Variants in RBM44 observed in about 807,000 individuals in gnomAD.
RBM44 encodes the protein RNA binding motif protein 44.
In RBM44, 66 loss-of-function variants were observed where a neutral mutation model predicts 105.1. The observed-to-expected ratio is 0.63, with a 90% CI of 0.52 to 0.77. RBM44 has a LOEUF of 0.77. Ranked by LOEUF, RBM44 falls within the 30% of genes least tolerant of loss-of-function variation. RBM44 has a pLI of 0.00. For missense variants in RBM44, 1,122 were observed against 1,207.8 expected, an observed-to-expected ratio of 0.93 and a Z score of 1.05; for synonymous variants, 365 against 417.6, an observed-to-expected ratio of 0.87 and a Z score of 1.54.
At chr2:237,825,442 G>A in intron 10 of RBM44, among the ~76,000 whole-genome samples, 1 of 152,190 alleles carries the variant, frequency 6.6e-6, no homozygotes, top group East Asian at 1.9e-4. Context: ...CTGATCTCAA[G>A]TGATCCACCC....
At chr2:237,821,944 G>A (rs960399946) in intron 8 of RBM44, 117 bp downstream of exon 8, 4 of 669,962 alleles carry the variant, frequency 6.0e-6, no homozygotes, top group African/African-American at 5.5e-5. Context: ...CTTACTTTGT[G>A]TACTACCATT....
At chr2:237,816,228 A>G (rs373052559) in intron 2 of RBM44, among the ~76,000 whole-genome samples, 4 of 152,220 alleles carry the variant, frequency 2.6e-5, no homozygotes, top group African/African-American at 7.2e-5. Flanking sequence ...TGCTCCATCA[A>G]CACAACTCTG....
intron 15 of RBM44, among the ~76,000 whole-genome samples, chr2:237,839,409 TAC>T (rs1002666356): frequency 5.3e-5 from 8 of 152,118 alleles, no homozygotes; most frequent in African/African-American, 1.9e-4. Context: ...TAGCTGAGAC[TAC>T]AGTCACGCGC....
chr2:237,836,937 A>G (rs951961085), intron 15 of RBM44, among the ~76,000 whole-genome samples: 1 of 152,118 alleles, frequency 6.6e-6, no homozygotes, highest in Non-Finnish European at 1.5e-5. Flanking sequence ...AGCCTGCAGC[A>G]TAGTTTACTG....
At chr2:237,808,548 T>G (rs2150970105) in intron 1 of RBM44, among the ~76,000 whole-genome samples, 1 of 151,182 alleles carries the variant, frequency 6.6e-6, no homozygotes, top group South Asian at 2.1e-4. Flanking sequence ...ACTCAGTGGA[T>G]GGGTTTCACA....
chr2:237,824,377 A>C lies in RBM44; in HGVS notation c.2407A>C (p.Asn803His). Residue 803 changes from asparagine to histidine, a missense_variant, in exon 10 of 16, where the codon AAT becomes CAT. Around this residue, in one of 3 missense-constraint regions of RBM44, gnomAD observed 918 missense variants for 955.3 expected, o/e 0.96. Coordinates refer to ENST00000316997, the MANE Select transcript of RBM44 (RefSeq NM_001080504.3). Reference sequence around the variant, plus strand: ...AGTTGACGTCTCAGGGACACAGGGAAATCAAGTAGAACAAGACACATGGAA... The same window carrying C: ...AGTTGACGTCTCAGGGACACAGGGACATCAAGTAGAACAAGACACATGGAA... Reference protein sequence around the residue: ...TGVDVSGTQGNQVEQDTWNLD... With the variant: ...TGVDVSGTQGHQVEQDTWNLD... The C allele has an allele frequency of 6.2e-7, 1 of 1,613,000 alleles. No homozygotes were observed. The highest frequency in any genetic ancestry group is 1.1e-5 in the South Asian group (1 of 91,022).
rs1266992279 is a variant in RBM44, at chr2:237,817,213, A to G, written c.294A>G (p.Glu98=). 3.1e-6 allele frequency: 5 copies of G among 1,601,384 alleles called. No individual in the cohort carries two copies. Among genetic ancestry groups the G allele is most frequent in the Non-Finnish European group, 2.6e-6 (3 of 1,175,034 alleles). Residue 98 remains glutamate (E), a synonymous_variant, in exon 3 of 16, where the codon GAA becomes GAG. Coordinates refer to ENST00000316997, the MANE Select transcript of RBM44 (RefSeq NM_001080504.3). ...AGAGTACTCAGTTTCAGTCAAGTGA[A>G]CTTGAAGACAGTACTGACTATGCTT... is the stretch of plus-strand genomic sequence containing the variant. The part of the protein sequence containing the change: ...NTESTQFQSS[E]LEDSTDYAFL...
At chr2:237,801,413 C>T (rs1033751674) in intron 1 of RBM44, among the ~76,000 whole-genome samples, 4 of 152,174 alleles carry the variant, frequency 2.6e-5, no homozygotes, top group Admixed American at 2.6e-4. Context: ...CAACCTCCAT[C>T]TCCTGGGCTC....
At chr2:237,839,427 C>T (rs778157875) in intron 15 of RBM44, among the ~76,000 whole-genome samples, 4 of 152,118 alleles carry the variant, frequency 2.6e-5, no homozygotes, top group Non-Finnish European at 5.9e-5. Flanking sequence ...CGCGCCAACA[C>T]GTCCATCTAA....
At chr2:237,801,836 CTA>C (rs2061549282) in intron 1 of RBM44, among the ~76,000 whole-genome samples, 1 of 152,096 alleles carries the variant, frequency 6.6e-6, no homozygotes, top group African/African-American at 2.4e-5. Flanking sequence ...TGCAACTGTG[CTA>C]TACAATTATT....
chr2:237,799,857 T>C (rs969171176), intron 1 of RBM44, among the ~76,000 whole-genome samples: 2 of 152,142 alleles, frequency 1.3e-5, no homozygotes, highest in East Asian at 1.9e-4. Flanking sequence ...GGAGTTAAAA[T>C]TGACAAGACC....
In RBM44 at chr2:237,799,923, C is replaced by T. The variant is rs1016563289; in HGVS notation, c.-19+1062C>T. On this transcript the variant is annotated intron_variant, in intron 1 of 15. Transcript: ENST00000316997. ...CCTGTGGTTTCTGGCGATACCATTC[C>T]CTGGAGTTTCGTGCACTGGAGGAAA... is the stretch of plus-strand genomic sequence containing the variant. Among the ~76,000 whole-genome samples the T allele has an allele frequency of 5.8e-4, 88 of 152,036 alleles. 1 individual carries two copies. Among genetic ancestry groups the T allele is most frequent in the African/African-American group, 2.0e-3 (81 of 41,374 alleles).
chr2:237,822,967 GATTC>G (rs890380789), intron 8 of RBM44, among the ~76,000 whole-genome samples: 5 of 151,790 alleles, frequency 3.3e-5, no homozygotes, highest in African/African-American at 1.2e-4. Context: ...GTCTTTAAAT[GATTC>G]TCCTTTTTAC....
chr2:237,818,119 A>G lies in RBM44; in HGVS notation c.1200A>G (p.Gln400=). The change falls in exon 3 of 16, where the codon CAA becomes CAG. Residue 400 remains glutamine (Q), a synonymous_variant. Coordinates refer to ENST00000316997, the MANE Select transcript of RBM44 (RefSeq NM_001080504.3). The surrounding 1 kb of genome is among the most constrained non-coding windows in gnomAD (Gnocchi z 4.6). ...ISACGYYESL[Q]NTADSALDFS... ...CCTGTGGATATTATGAAAGCCTACA[A>G]AACACTGCTGACTCAGCCTTAGATT... 2 of 1,613,208 alleles carry G rather than the reference A, an allele frequency of 1.2e-6. No homozygotes were observed. Among genetic ancestry groups the G allele is most frequent in the South Asian group, 1.1e-5 (1 of 91,054 alleles).
Position 237,829,449 on chromosome 2 carries a change from A to C in RBM44, c.2833A>C (p.Arg945=). ...EFSISRLPRT[R]PRQLGSEQDS... is the part of the protein sequence containing the mutation. ...CTCCATTTCTAGATTGCCCAGAACT[A>C]GGCCACGGCAGCTGGGTTCTGAGCA... is the stretch of plus-strand genomic sequence containing the variant. Residue 945 remains arginine, a synonymous_variant, in exon 13 of 16, where the codon AGG becomes CGG. Transcript: ENST00000316997. The C allele has an allele frequency of 6.2e-7, 1 of 1,613,736 alleles. No individual in the cohort carries two copies. The highest frequency in any genetic ancestry group is 2.2e-5 in the East Asian group (1 of 44,880).
In RBM44 at chr2:237,813,637, G is replaced by A; in HGVS notation, c.28G>A (p.Ala10Thr). 1.2e-6 allele frequency: 2 copies of A among 1,611,100 alleles called. No homozygotes were observed. Among genetic ancestry groups the A allele is most frequent in the Non-Finnish European group, 1.7e-6 (2 of 1,177,492 alleles). The change falls in exon 2 of 16, where the codon GCA (alanine) becomes ACA (threonine). Residue 10 changes from alanine to threonine, a missense_variant. By Grantham distance (58) the Ala-to-Thr change is moderately conservative. Coordinates refer to ENST00000316997, the MANE Select transcript of RBM44 (RefSeq NM_001080504.3). ...GCAGGCCACTGCAGTGGTGGAGACA[G>A]CATCTGGTAAAGGCTACCACAGTAA... Reference protein sequence around the residue: MQATAVVETASGKGYHSNGG... With the variant: MQATAVVETTSGKGYHSNGG...
chr2:237,805,237 C>A (rs2061587070), intron 1 of RBM44, among the ~76,000 whole-genome samples: 1 of 152,104 alleles, frequency 6.6e-6, no homozygotes, highest in South Asian at 2.1e-4. Flanking sequence ...ATACCACTTA[C>A]AATAGTCACA....
chr2:237,805,942 T>TTTA (rs1181908305), intron 1 of RBM44, among the ~76,000 whole-genome samples: 1 of 152,126 alleles, frequency 6.6e-6, no homozygotes, highest in Non-Finnish European at 1.5e-5. Flanking sequence ...ATGGCACCAC[T>TTTA]TTACTCCAGC....
At chr2:237,824,247 G>GAGTGTCTTA in intron 9 of RBM44, 44 bp from the exon 10 acceptor site, 1 of 1,603,722 alleles carries the variant, frequency 6.2e-7, no homozygotes, top group South Asian at 1.1e-5. Context: ...TCAGTGTGTT[G>GAGTGTCTTA]GACGTTACGT....
Sources: gnomAD v4.1 joint callset for allele counts (sites outside exome capture counted in the v4.1 genomes callset) on GRCh38, gnomAD v4.1.1 for gene constraint, gnomAD v4.1.1 regional missense constraint, Gnocchi (gnomAD v3.1) non-coding constraint, MANE v1.5 for transcripts, NCBI Gene and HGNC (gene_info 2026-07-23, HGNC 2026-07-21) for gene names.